The following MEIS1 variants were observed in gnomAD, a reference collection of about 807,000 sequenced individuals.
MEIS1 encodes the protein homeobox protein Meis1.
MEIS1 carries 5 observed loss-of-function variants against 50.8 expected under a neutral mutation model. The observed-to-expected ratio is 0.10, with a 90% CI of 0.05 to 0.21. The LOEUF (loss-of-function observed/expected upper bound fraction) is 0.21. Ranked by LOEUF, MEIS1 falls within the 10% of genes least tolerant of loss-of-function variation. MEIS1 has a pLI of 1.00. For synonymous variants in MEIS1, 176 were observed against 179.3 expected, an observed-to-expected ratio of 0.98 and a Z score of 0.15; for missense variants, 318 against 517.3, an observed-to-expected ratio of 0.61 and a Z score of 3.74.
intron 7 of MEIS1, 135 bp downstream of exon 7, chr2:66,464,355 T>A: frequency 1.4e-6 from 1 of 726,576 alleles, no homozygotes. Context: ...TCAGCTCATC[T>A]TATTTTATTC....
chr2:66,560,812 C>G (rs1177523690), intron 9 of MEIS1, among the ~76,000 whole-genome samples: 1 of 152,062 alleles, frequency 6.6e-6, no homozygotes, highest in Non-Finnish European at 1.5e-5. Flanking sequence ...CTTTTCCCCT[C>G]CTGTCTATTC....
intron 7 of MEIS1, among the ~76,000 whole-genome samples, chr2:66,504,035 G>A (rs940384616): frequency 6.6e-6 from 1 of 151,818 alleles, no homozygotes; most frequent in East Asian, 1.9e-4. Flanking sequence ...GTGAGCCACC[G>A]CGCCCAGCCC....
At chr2:66,507,485 T>C (rs1379461303) in intron 7 of MEIS1, among the ~76,000 whole-genome samples, 1 of 152,238 alleles carries the variant, frequency 6.6e-6, no homozygotes, top group African/African-American at 2.4e-5. Context: ...TTAGGAGTTT[T>C]GCTTCTATGA....
Position 66,494,943 on chromosome 2 carries a change from G to A in MEIS1, c.743-17206G>A, listed in dbSNP as rs1418179423. Reference sequence around the variant, plus strand: ...TTGGAAAGACGAGAAATAGTGGCCCGGTGTTGCGAAATTACTGTTTGACCA... The same window carrying A: ...TTGGAAAGACGAGAAATAGTGGCCCAGTGTTGCGAAATTACTGTTTGACCA... On this transcript the variant is annotated intron_variant, in intron 7 of 12. Transcript: ENST00000272369. Among the ~76,000 whole-genome samples the A allele has an allele frequency of 3.9e-5, 6 of 152,014 alleles. No individual in the cohort carries two copies. In the East Asian group the frequency reaches 9.6e-4, roughly 24 times the overall value.
intron 8 of MEIS1, among the ~76,000 whole-genome samples, chr2:66,515,190 T>C (rs1673935419): frequency 6.6e-6 from 1 of 152,210 alleles, no homozygotes; most frequent in Non-Finnish European, 1.5e-5. Flanking sequence ...ACAATAGCAA[T>C]ACCAATTTAT....
intron 6 of MEIS1, chr2:66,443,363 T>C: frequency 3.6e-6 from 1 of 277,674 alleles, no homozygotes. Flanking sequence ...AGTGACCGCC[T>C]CTGATTGTAG....
chr2:66,515,832 A>C (rs1673953872), intron 8 of MEIS1, among the ~76,000 whole-genome samples: 1 of 152,216 alleles, frequency 6.6e-6, no homozygotes, highest in Non-Finnish European at 1.5e-5. Flanking sequence ...GAATTCTTAC[A>C]TTTGCCTGAA....
intron 8 of MEIS1, among the ~76,000 whole-genome samples, chr2:66,532,805 C>G (rs1252368536): frequency 6.6e-6 from 1 of 152,088 alleles, no homozygotes; most frequent in African/African-American, 2.4e-5. Context: ...CTACAGAATC[C>G]AAATGTGCTG....
Position 66,512,306 on chromosome 2 carries a change from C to T in MEIS1, c.888+12C>T, listed in dbSNP as rs772593786. On this transcript the variant is annotated intron_variant, in intron 8 of 12. Transcript: ENST00000272369. ...TCCAGCATCTAACAGTAAGTGGATT[C>T]TAAATGACATATATAAACTAAATAT... 1.2e-6 allele frequency: 2 copies of T among 1,605,906 alleles called. No homozygotes were observed. The highest frequency in any genetic ancestry group is 1.7e-6 in the Non-Finnish European group (2 of 1,177,012).
chr2:66,486,972 T>C (rs2103797813), intron 7 of MEIS1, among the ~76,000 whole-genome samples: 1 of 152,352 alleles, frequency 6.6e-6, no homozygotes, highest in Non-Finnish European at 1.5e-5. Flanking sequence ...TGAAGTTGCT[T>C]ATCAGCTTAA....
In MEIS1 at chr2:66,462,989, A is replaced by G. The variant is rs144363159; in HGVS notation, c.631-1120A>G. On this transcript the variant is annotated intron_variant, in intron 6 of 12. Coordinates refer to ENST00000272369, the MANE Select transcript of MEIS1 (RefSeq NM_002398.3). The stretch of plus-strand genomic sequence containing the variant: ...AGCATGCCTCTTAGATGGGATCTTT[A>G]CTTTTCTCTCCCTGGGTGTCTGAGA... Among the ~76,000 whole-genome samples the G allele has an allele frequency of 4.2e-3, 634 of 152,048 alleles. 3 individuals carry two copies. The highest frequency in any genetic ancestry group is 0.014 in the African/African-American group (581 of 41,488).
At chr2:66,439,691 T>TG (rs1166166201) in intron 2 of MEIS1, 152 bp from the exon 3 acceptor site, 1 of 1,542,200 alleles carries the variant, frequency 6.5e-7, no homozygotes, top group Non-Finnish European at 8.7e-7. Flanking sequence ...CACCTGGGTC[T>TG]GGGGGAGGGG....
At position 66,451,750 on chromosome 2, in the gene MEIS1, CGTGAA is replaced by C. The variant is rs59406589; in HGVS notation, c.630+8706_630+8710del. ...TCTAAAGGCATACTTACACTATTTA[CGTGAA>C]GTGGAGTGTTTGTCTACAGAGCTTC... is the stretch of plus-strand genomic sequence containing the variant. On this transcript the variant is annotated intron_variant, in intron 6 of 12. Transcript: ENST00000272369. Among the ~76,000 whole-genome samples, 344 of 152,018 alleles carry C rather than the reference CGTGAA, an allele frequency of 2.3e-3. 2 individuals carry two copies. The highest frequency in any genetic ancestry group is 7.8e-3 in the African/African-American group (322 of 41,518).
At chr2:66,485,198 A>G (rs1673113264) in intron 7 of MEIS1, among the ~76,000 whole-genome samples, 1 of 152,064 alleles carries the variant, frequency 6.6e-6, no homozygotes, top group African/African-American at 2.4e-5. Flanking sequence ...TGCTGCACCC[A>G]TCAACCCATC....
chr2:66,513,641 T>C (rs920760919), intron 8 of MEIS1, among the ~76,000 whole-genome samples: 1 of 152,104 alleles, frequency 6.6e-6, no homozygotes, highest in African/African-American at 2.4e-5. Flanking sequence ...CCCATAATAA[T>C]TCCAAACAGT....
intron 8 of MEIS1, among the ~76,000 whole-genome samples, chr2:66,532,963 A>G (rs988380068): frequency 6.6e-6 from 1 of 152,222 alleles, no homozygotes; most frequent in Non-Finnish European, 1.5e-5. Context: ...AAATCCTGCC[A>G]TCAAATCAAT....
At chr2:66,519,493 T>C (rs1674058343) in intron 8 of MEIS1, among the ~76,000 whole-genome samples, 1 of 151,858 alleles carries the variant, frequency 6.6e-6, no homozygotes, top group Admixed American at 6.6e-5. Flanking sequence ...GAGAGTGCGC[T>C]CAAGAACTCA....
chr2:66,472,080 T>A (rs967799241), intron 7 of MEIS1, among the ~76,000 whole-genome samples: 3 of 152,214 alleles, frequency 2.0e-5, no homozygotes, highest in African/African-American at 7.2e-5. Flanking sequence ...TGAGTCTGCA[T>A]TGGGTTTTAA....
Position 66,495,080 on chromosome 2 carries a change from C to CTTTTTTTTTTTT in MEIS1, c.743-17052_743-17041dup, listed in dbSNP as rs70943701. Among the ~76,000 whole-genome samples the CTTTTTTTTTTTT allele has an allele frequency of 5.5e-5, 5 of 91,492 alleles. 2 individuals carry two copies. The highest frequency in any genetic ancestry group is 2.1e-5 in the Non-Finnish European group (1 of 48,552). The allele number at this position is 91,492 out of a possible 152,430, so 60.0% of individuals were successfully genotyped here. On this transcript the variant is annotated intron_variant, in intron 7 of 12. Coordinates refer to ENST00000272369, the MANE Select transcript of MEIS1 (RefSeq NM_002398.3). ...GAATGCCCACTTTCCCTCTTCTGAC[C>CTTTTTTTTTTTT]TTTTTTTTTTTTTTTTTTTTTTTTT...
Sources: gnomAD v4.1 joint callset for allele counts (sites outside exome capture counted in the v4.1 genomes callset) on GRCh38, gnomAD v4.1.1 for gene constraint, MANE v1.5 for transcripts, NCBI Gene and HGNC (gene_info 2026-07-23, HGNC 2026-07-21) for gene names.